Variants in KAZN observed in about 807,000 individuals in gnomAD.
KAZN encodes kazrin.
In KAZN, 40 loss-of-function variants were observed where a neutral mutation model predicts 87.4. The ratio of observed to expected loss-of-function variants is 0.46; its 90% confidence interval spans 0.36 to 0.60. The LOEUF (loss-of-function observed/expected upper bound fraction) is 0.60. Among genes scored for constraint, KAZN ranks in the 20% least tolerant of loss-of-function variants. The pLI, the probability that KAZN is intolerant of heterozygous loss-of-function variation, is 0.00. For missense variants in KAZN, 898 were observed against 1,073.9 expected, an observed-to-expected ratio of 0.84 and a Z score of 2.29; for synonymous variants, 466 against 458.3, an observed-to-expected ratio of 1.02 and a Z score of -0.22.
chr1:14,766,549 T>C (rs1280867678), intron 1 of KAZN, among the ~76,000 whole-genome samples: 1 of 149,968 alleles, frequency 6.7e-6, no homozygotes, highest in Non-Finnish European at 1.5e-5. Context: ...ACCTATTGCC[T>C]GGTGCTCTGG....
intron 2 of KAZN, among the ~76,000 whole-genome samples, chr1:14,188,098 CTG>C (rs1165947202): frequency 6.6e-6 from 1 of 151,912 alleles, no homozygotes; most frequent in East Asian, 1.9e-4. Context: ...TAAAGAAACA[CTG>C]TACCAGGACC....
At chr1:14,486,423 C>T (rs1669355265) in intron 2 of KAZN, among the ~76,000 whole-genome samples, 1 of 152,078 alleles carries the variant, frequency 6.6e-6, no homozygotes, top group Non-Finnish European at 1.5e-5. Context: ...AATCCTGGTG[C>T]CTACTCTAGA....
At chr1:14,647,436 TGA>T (rs1680889209) in intron 1 of KAZN, among the ~76,000 whole-genome samples, 1 of 152,192 alleles carries the variant, frequency 6.6e-6, no homozygotes, top group Non-Finnish European at 1.5e-5. Flanking sequence ...TTTAGGAGGC[TGA>T]GTTACAGAAG....
intron 1 of KAZN, among the ~76,000 whole-genome samples, chr1:13,986,036 G>A (rs555282553): frequency 6.6e-6 from 1 of 152,306 alleles, no homozygotes; most frequent in African/African-American, 2.4e-5. Context: ...ATTTAGCAGT[G>A]AAGTTCCTGG....
intron 1 of KAZN, among the ~76,000 whole-genome samples, chr1:14,071,248 G>C (rs1451047206): frequency 6.6e-6 from 1 of 152,172 alleles, no homozygotes; most frequent in Admixed American, 6.5e-5. Context: ...TTCAGGGTCT[G>C]TTTGGGGAAC....
chr1:14,534,034 T>C (rs1293724616), intron 2 of KAZN, among the ~76,000 whole-genome samples: 1 of 152,150 alleles, frequency 6.6e-6, no homozygotes, highest in East Asian at 1.9e-4. Context: ...TTCCTTAGCC[T>C]AAACCGTCCT....
chr1:14,933,718 C>T (rs1262265590), intron 1 of KAZN, among the ~76,000 whole-genome samples: 1 of 152,106 alleles, frequency 6.6e-6, no homozygotes, highest in African/African-American at 2.4e-5. Context: ...TCATTGCATA[C>T]TACAGCCTTG....
rs1214896124 is a variant in KAZN at position 14,912,161 on chromosome 1, A to G, written c.227-48523A>G. ...CTCCACCTCAAAAAAAAAAAAAAAAAAAAAAAGGAAAGGAAAAGGGTCTTC... is the reference window on the plus strand; with the variant it reads ...CTCCACCTCAAAAAAAAAAAAAAAAGAAAAAAGGAAAGGAAAAGGGTCTTC... On this transcript the variant is annotated intron_variant, in intron 1 of 14. Coordinates refer to ENST00000376030, the MANE Select transcript of KAZN (RefSeq NM_201628.3). Among the ~76,000 whole-genome samples, 3 of 151,512 alleles carry G rather than the reference A, an allele frequency of 2.0e-5. No homozygotes were observed. The East Asian group carries it at 5.8e-4, about 29-fold the overall frequency.
At chr1:14,822,578 G>A (rs375641542) in intron 1 of KAZN, among the ~76,000 whole-genome samples, 12 of 152,200 alleles carry the variant, frequency 7.9e-5, no homozygotes, top group African/African-American at 1.4e-4. Context: ...GTGTCCTTCC[G>A]TCCCTGTGCA....
At chr1:14,679,229 G>A (rs756109506) in intron 1 of KAZN, among the ~76,000 whole-genome samples, 38 of 152,112 alleles carry the variant, frequency 2.5e-4, no homozygotes, top group African/African-American at 5.1e-4. Flanking sequence ...TACCAGGGTC[G>A]GTTAGCAGGC....
At chr1:14,138,082 A>AGTGTGTGTGTGTGT (rs149980453) in intron 1 of KAZN, among the ~76,000 whole-genome samples, 23 of 150,076 alleles carry the variant, frequency 1.5e-4, no homozygotes, top group South Asian at 8.4e-4. Flanking sequence ...TAAATGTTAC[A>AGTGTGTGTGTGTGT]GTGTGTGTGT....
intron 2 of KAZN, among the ~76,000 whole-genome samples, chr1:14,553,747 C>G (rs1424166746): frequency 6.6e-6 from 1 of 152,126 alleles, no homozygotes; most frequent in Non-Finnish European, 1.5e-5. Flanking sequence ...AATCCAAACA[C>G]TACCTCCCAA....
At chr1:14,033,285 G>A (rs7414562) in intron 1 of KAZN, among the ~76,000 whole-genome samples, 59,255 of 152,012 alleles carry the variant, frequency 0.39, 13,215 homozygotes, top group East Asian at 0.61. Flanking sequence ...AGCCACAAGT[G>A]AGCAATTTGG....
At chr1:14,747,111 C>T (rs150902533) in intron 1 of KAZN, among the ~76,000 whole-genome samples, 116 of 152,190 alleles carry the variant, frequency 7.6e-4, no homozygotes, top group African/African-American at 2.5e-3. Context: ...ACTTCTTTCA[C>T]GTAACATATT....
rs975845801 is a variant in KAZN at position 14,747,921 on chromosome 1, G to A, written c.226+148698G>A. ...GTATTCGGCTTATATTTGCTCCAGT[G>A]ACAACATTTCTGTTTTGAGAATTGT... On this transcript the variant is annotated intron_variant, in intron 1 of 14. Transcript: ENST00000376030. 9.8e-5 allele frequency among the ~76,000 whole-genome samples: 15 copies of A among 152,316 alleles called. No homozygotes were observed. The East Asian group carries it at 2.7e-3, about 27-fold the overall frequency.
intron 2 of KAZN, among the ~76,000 whole-genome samples, chr1:14,213,095 T>C (rs1312089123): frequency 6.6e-6 from 1 of 152,184 alleles, no homozygotes; most frequent in Non-Finnish European, 1.5e-5. Flanking sequence ...CTTGGGAAGA[T>C]TTTCTTATAT....
intron 1 of KAZN, among the ~76,000 whole-genome samples, chr1:14,076,371 A>C (rs188010438): frequency 3.3e-5 from 5 of 152,310 alleles, no homozygotes; most frequent in African/African-American, 1.2e-4. Context: ...CCACAAGCCA[A>C]GGAGTGCTGA....
chr1:14,989,304 T>C (rs1355693510), intron 2 of KAZN, among the ~76,000 whole-genome samples: 1 of 152,074 alleles, frequency 6.6e-6, no homozygotes, highest in Non-Finnish European at 1.5e-5. Context: ...GGTGAAACCC[T>C]GTCTCTACTA....
chr1:14,036,611 G>A (rs1641570068), intron 1 of KAZN, among the ~76,000 whole-genome samples: 1 of 151,940 alleles, frequency 6.6e-6, no homozygotes, highest in Non-Finnish European at 1.5e-5. Context: ...GCTGCAGTGA[G>A]CTATGATTGC....
Sources: allele counts gnomAD v4.1 joint callset (sites outside exome capture counted in the v4.1 genomes callset), GRCh38; gene constraint gnomAD v4.1.1; transcripts MANE v1.5; gene names NCBI Gene and HGNC (gene_info 2026-07-23, HGNC 2026-07-21).